The following NLGN1 variants were observed in gnomAD, a reference collection of about 807,000 sequenced individuals.
NLGN1 encodes the protein neuroligin 1.
A neutral mutation model predicts 65.5 loss-of-function variants in NLGN1; 12 were observed. The ratio of observed to expected loss-of-function variants is 0.18; its 90% confidence interval spans 0.12 to 0.30. The LOEUF is 0.30. Ranked by LOEUF, NLGN1 falls within the 10% of genes least tolerant of loss-of-function variation. The pLI, the probability that NLGN1 is intolerant of heterozygous loss-of-function variation, is 1.00. For synonymous variants in NLGN1, 350 were observed against 359.5 expected, an observed-to-expected ratio of 0.97 and a Z score of 0.30; for missense variants, 750 against 1,007.1, an observed-to-expected ratio of 0.74 and a Z score of 3.46.
chr3:174,256,150 T>C (rs1037354678), intron 4 of NLGN1, among the ~76,000 whole-genome samples: 3 of 152,190 alleles, frequency 2.0e-5, no homozygotes, highest in Admixed American at 2.0e-4. Context: ...TCATTTGTTA[T>C]TTATTTATTA....
intron 4 of NLGN1, among the ~76,000 whole-genome samples, chr3:174,202,991 TATTC>T (rs796816202): frequency 9.0e-6 from 1 of 111,080 alleles, no homozygotes; most frequent in South Asian, 2.7e-4. Context: ...TTTATTTATT[TATTC>T]ATTCATTCAT....
intron 3 of NLGN1, among the ~76,000 whole-genome samples, chr3:173,700,993 C>T (rs1002566522): frequency 1.4e-4 from 21 of 152,110 alleles, no homozygotes; most frequent in Admixed American, 1.0e-3. Context: ...GGCGTGGTGG[C>T]GGGCGCCTGT....
At chr3:173,995,423 G>C (rs1722057746) in intron 4 of NLGN1, among the ~76,000 whole-genome samples, 1 of 152,112 alleles carries the variant, frequency 6.6e-6, no homozygotes, top group African/African-American at 2.4e-5. Flanking sequence ...GGGAGTAAAT[G>C]AATCTCTATG....
intron 3 of NLGN1, among the ~76,000 whole-genome samples, chr3:173,643,926 A>T (rs1256046295): frequency 1.3e-5 from 2 of 152,106 alleles, no homozygotes; most frequent in African/African-American, 4.8e-5. Flanking sequence ...AACATACATC[A>T]GCGGAACCAG....
chr3:173,938,538 T>C lies in NLGN1; in HGVS notation c.646+130706T>C, dbSNP rs559918184. On this transcript the variant is annotated intron_variant, in intron 4 of 6. Coordinates refer to ENST00000457714, the Ensembl canonical transcript of NLGN1. ...ATTTTGGAGTTCTTTGCTACTGCAG[T>C]GTGACTTAGCCCGTGTTGACATATA... Among the ~76,000 whole-genome samples the C allele has an allele frequency of 1.4e-4, 21 of 152,232 alleles. No homozygotes were observed. The South Asian group carries it at 4.4e-3, about 32-fold the overall frequency.
At chr3:173,696,114 A>C (rs747192921) in intron 3 of NLGN1, among the ~76,000 whole-genome samples, 1 of 152,190 alleles carries the variant, frequency 6.6e-6, no homozygotes, top group African/African-American at 2.4e-5. Context: ...GCCTGGCCTT[A>C]TTTATAATTC....
intron 2 of NLGN1, among the ~76,000 whole-genome samples, chr3:173,565,157 A>G (rs774836781): frequency 6.6e-6 from 1 of 152,180 alleles, no homozygotes; most frequent in Non-Finnish European, 1.5e-5. Context: ...GCAGAGGAAC[A>G]TCAGAAGTCA....
At chr3:173,576,567 C>G (rs948378435) in intron 2 of NLGN1, among the ~76,000 whole-genome samples, 1 of 152,172 alleles carries the variant, frequency 6.6e-6, no homozygotes, top group Non-Finnish European at 1.5e-5. Context: ...CTGACTCTCT[C>G]TTTCTCCCTC....
intron 2 of NLGN1, among the ~76,000 whole-genome samples, chr3:173,459,988 A>G (rs1460963312): frequency 2.0e-5 from 3 of 152,050 alleles, no homozygotes; most frequent in African/African-American, 7.2e-5. Flanking sequence ...AAAATTGACA[A>G]TGCAGAATTA....
chr3:173,586,215 T>C (rs1181645574), intron 2 of NLGN1, among the ~76,000 whole-genome samples: 1 of 152,184 alleles, frequency 6.6e-6, no homozygotes, highest in Non-Finnish European at 1.5e-5. Context: ...AGATAAAAGA[T>C]AAAACATACA....
chr3:173,648,142 GAA>G (rs1244613409), intron 3 of NLGN1, among the ~76,000 whole-genome samples: 1 of 145,702 alleles, frequency 6.9e-6, no homozygotes, highest in African/African-American at 2.5e-5. Flanking sequence ...TTGAATTCCA[GAA>G]AAAAAAAATG....
intron 4 of NLGN1, among the ~76,000 whole-genome samples, chr3:174,005,661 G>A (rs1434082039): frequency 2.0e-5 from 3 of 151,426 alleles, no homozygotes; most frequent in Non-Finnish European, 4.4e-5. Flanking sequence ...GTTCATGCAT[G>A]CAGTTGCTAA....
chr3:174,198,679 T>G (rs927070396), intron 4 of NLGN1, among the ~76,000 whole-genome samples: 1 of 152,096 alleles, frequency 6.6e-6, no homozygotes, highest in African/African-American at 2.4e-5. Context: ...TAATTGATAA[T>G]GAGACTCACT....
intron 4 of NLGN1, among the ~76,000 whole-genome samples, chr3:173,914,716 C>A (rs1255718610): frequency 6.6e-6 from 1 of 152,086 alleles, no homozygotes; most frequent in Non-Finnish European, 1.5e-5. Flanking sequence ...AGACTAAAAC[C>A]AACATGAATC....
At chr3:174,089,074 T>C (rs115400640) in intron 4 of NLGN1, among the ~76,000 whole-genome samples, 1,746 of 152,248 alleles carry the variant, frequency 0.011, 17 homozygotes, top group Middle Eastern at 0.024. Flanking sequence ...CACAATGGCT[T>C]CTATTACAAA....
intron 4 of NLGN1, among the ~76,000 whole-genome samples, chr3:173,810,911 C>T (rs1717785255): frequency 6.6e-6 from 1 of 152,058 alleles, no homozygotes. Flanking sequence ...ATGATTTTCC[C>T]CCACCCTGGA....
intron 4 of NLGN1, among the ~76,000 whole-genome samples, chr3:174,067,582 A>G (rs547023281): frequency 6.6e-6 from 1 of 152,260 alleles, no homozygotes; most frequent in African/African-American, 2.4e-5. Flanking sequence ...GTACATTTCT[A>G]TGAAAATACT....
At chr3:173,550,865 C>A (rs1740735134) in intron 2 of NLGN1, among the ~76,000 whole-genome samples, 2 of 152,236 alleles carry the variant, frequency 1.3e-5, no homozygotes, top group Admixed American at 1.3e-4. Context: ...ATAACCTATT[C>A]ACTTTTCGCT....
chr3:174,263,710 A>C (rs546836454), intron 4 of NLGN1, among the ~76,000 whole-genome samples: 230 of 151,816 alleles, frequency 1.5e-3, no homozygotes, highest in African/African-American at 5.5e-3. Flanking sequence ...TTATGTGTGA[A>C]TTTGATCCTG....
Sources: gnomAD v4.1 joint callset for allele counts (sites outside exome capture counted in the v4.1 genomes callset) on GRCh38, gnomAD v4.1.1 for gene constraint, MANE v1.5 for transcripts, NCBI Gene and HGNC (gene_info 2026-07-23, HGNC 2026-07-21) for gene names.